KIF6: variants seen among roughly 807,000 people sequenced by gnomAD.
KIF6 encodes kinesin family member 6.
KIF6 carries 106 observed loss-of-function variants against 112.7 expected under a neutral mutation model. That is an observed-to-expected ratio of 0.94 (90% CI 0.80 to 1.11). The LOEUF (loss-of-function observed/expected upper bound fraction) is 1.11, where lower values mean the gene tolerates loss of function less well. Among genes scored for constraint, KIF6 ranks in the 50% least tolerant of loss-of-function variants. KIF6 has a pLI of 0.00. For missense variants in KIF6, 929 were observed against 964.0 expected (o/e 0.96, Z 0.48); for synonymous variants, 339 against 339.9 (o/e 1.00, Z 0.03).
chr6:39,574,877 C>G (rs1298940025), intron 10 of KIF6, among the ~76,000 whole-genome samples: 2 of 152,168 alleles, frequency 1.3e-5, no homozygotes, highest in African/African-American at 2.4e-5. Context: ...TAGCCCTGAT[C>G]TTCCTAGCTC....
chr6:39,551,288 A>G (rs1334671322), intron 10 of KIF6, among the ~76,000 whole-genome samples: 1 of 152,188 alleles, frequency 6.6e-6, no homozygotes, highest in African/African-American at 2.4e-5. Flanking sequence ...GGAACTAAAT[A>G]AAAAATTAAC....
chr6:39,358,077 T>C (rs1333833001), intron 18 of KIF6, among the ~76,000 whole-genome samples: 2 of 152,226 alleles, frequency 1.3e-5, no homozygotes, highest in African/African-American at 4.8e-5. Context: ...CCGAGCACTT[T>C]GTGTAGGGGA....
At chr6:39,670,010 GA>G (rs1786705079) in intron 3 of KIF6, among the ~76,000 whole-genome samples, 1 of 152,144 alleles carries the variant, frequency 6.6e-6, no homozygotes, top group South Asian at 2.1e-4. Context: ...TCTTTTAATG[GA>G]AAAAGCTACC....
At chr6:39,470,658 T>C (rs1292240539) in intron 13 of KIF6, among the ~76,000 whole-genome samples, 1 of 148,676 alleles carries the variant, frequency 6.7e-6, no homozygotes, top group Non-Finnish European at 1.5e-5. Context: ...AGGAGTAACA[T>C]GTCATGTTTC....
rs532810551 is a variant in KIF6 at position 39,449,414 on chromosome 6, C to G, written c.1646-18253G>C. The stretch of plus-strand genomic sequence containing the variant: ...CCCTGGCCGCCTTTCAGCTGCTCAA[C>G]TATGGAAGTAGTGTTCCTGCCTTTG... On this transcript the variant is annotated intron_variant, in intron 13 of 22. Transcript: ENST00000287152. 2.6e-5 allele frequency among the ~76,000 whole-genome samples: 4 copies of G among 152,336 alleles called. No homozygotes were observed. In the East Asian group the frequency reaches 5.8e-4, roughly 22 times the overall value.
At chr6:39,644,382 T>G (rs1785057608) in intron 3 of KIF6, among the ~76,000 whole-genome samples, 1 of 152,154 alleles carries the variant, frequency 6.6e-6, no homozygotes, top group Non-Finnish European at 1.5e-5. Context: ...ACAGCATTAT[T>G]CATTATTTAG....
intron 6 of KIF6, 66 bp downstream of exon 6, chr6:39,613,123 T>A: frequency 8.1e-7 from 1 of 1,235,868 alleles, no homozygotes; most frequent in Non-Finnish European, 1.1e-6. Flanking sequence ...TTTTTTTTTC[T>A]GCCTTGGCTT....
intron 5 of KIF6, among the ~76,000 whole-genome samples, chr6:39,613,640 C>A (rs926110499): frequency 1.3e-5 from 2 of 152,166 alleles, no homozygotes; most frequent in Non-Finnish European, 2.9e-5. Flanking sequence ...TTTCTATCTG[C>A]ATATCAGGAA....
rs974277759 is a variant in KIF6 at position 39,688,559 on chromosome 6, T to C, written c.251+26133A>G. ...AGGAACTCATTGTTTATTCAATATATTGTGGCCCAGGAGAAAAGAATGAGA... is the reference window on the plus strand; with the variant it reads ...AGGAACTCATTGTTTATTCAATATACTGTGGCCCAGGAGAAAAGAATGAGA... On this transcript the variant is annotated intron_variant, in intron 3 of 22. Coordinates refer to ENST00000287152, the MANE Select transcript of KIF6 (RefSeq NM_145027.6). 2.6e-5 allele frequency among the ~76,000 whole-genome samples: 4 copies of C among 152,104 alleles called. No individual in the cohort carries two copies. In the East Asian group the frequency reaches 5.8e-4, roughly 22 times the overall value.
chr6:39,552,326 G>A (rs1779433429), intron 10 of KIF6, among the ~76,000 whole-genome samples: 1 of 152,158 alleles, frequency 6.6e-6, no homozygotes, highest in South Asian at 2.1e-4. Context: ...CCTTGTCCCA[G>A]TTATTTTATT....
intron 13 of KIF6, among the ~76,000 whole-genome samples, chr6:39,450,466 T>A (rs1314615586): frequency 6.6e-6 from 1 of 152,188 alleles, no homozygotes; most frequent in East Asian, 1.9e-4. Flanking sequence ...ATTATCAAAG[T>A]ATGGCTTGCC....
chr6:39,343,825 A>G lies in KIF6; in HGVS notation c.2322-10T>C. 1 of 1,523,630 alleles carries G rather than the reference A, an allele frequency of 6.6e-7. No homozygotes were observed. Among genetic ancestry groups the G allele is most frequent in the Non-Finnish European group, 9.0e-7 (1 of 1,112,420 alleles). 94.4% of individuals were successfully genotyped at this position (1,523,630 alleles called of 1,614,324 possible). ...TGGCCTCTTGGGGATGCTGGAGGCA[A>G]CCACGTGTCACATTTTACTACACTT... is the stretch of plus-strand genomic sequence containing the variant. On this transcript the variant is annotated splice_polypyrimidine_tract_variant and intron_variant, in intron 21 of 22. Transcript: ENST00000287152. This position sits in a 1 kb window ranked among gnomAD's most constrained non-coding sequence, Gnocchi z 4.1.
chr6:39,429,643 C>T (rs192250788), intron 14 of KIF6, among the ~76,000 whole-genome samples: 69 of 152,352 alleles, frequency 4.5e-4, no homozygotes, highest in African/African-American at 1.4e-3. Context: ...GGCGCAGTGG[C>T]TCATGCCTGT....
intron 4 of KIF6, among the ~76,000 whole-genome samples, chr6:39,635,900 T>C (rs1170851540): frequency 6.6e-6 from 1 of 152,064 alleles, no homozygotes; most frequent in Non-Finnish European, 1.5e-5. Flanking sequence ...GAGAGTATAT[T>C]TGGGTCTTGT....
At chr6:39,627,100 C>G (rs1784131872) in intron 5 of KIF6, among the ~76,000 whole-genome samples, 1 of 152,172 alleles carries the variant, frequency 6.6e-6, no homozygotes, top group Non-Finnish European at 1.5e-5. Flanking sequence ...CCTTGCCAGT[C>G]TTAATGCTCC....
rs546462496 is a variant in KIF6 at position 39,636,095 on chromosome 6, T to C, written c.400-1137A>G. 2.6e-5 allele frequency among the ~76,000 whole-genome samples: 4 copies of C among 152,114 alleles called. No individual in the cohort carries two copies. In the South Asian group the frequency reaches 8.3e-4, roughly 32 times the overall value. On this transcript the variant is annotated intron_variant, in intron 4 of 22. Transcript: ENST00000287152. ...GCCCATAAATAAAAAGCTGGACTCC[T>C]ACTCTAACTAGAGTTGAGCCTCTAC...
chr6:39,701,057 G>A (rs775519795), intron 3 of KIF6, among the ~76,000 whole-genome samples: 3 of 152,182 alleles, frequency 2.0e-5, no homozygotes, highest in African/African-American at 7.2e-5. Flanking sequence ...AGTTGCAGCA[G>A]TTTTCAAAAC....
At chr6:39,569,194 T>TAA (rs1362303679) in intron 10 of KIF6, among the ~76,000 whole-genome samples, 5 of 152,218 alleles carry the variant, frequency 3.3e-5, no homozygotes, top group Admixed American at 3.3e-4. Flanking sequence ...AAACTGAATA[T>TAA]AAAAAGGATA....
At chr6:39,426,523 G>T (rs190769547) in intron 14 of KIF6, among the ~76,000 whole-genome samples, 9 of 152,290 alleles carry the variant, frequency 5.9e-5, no homozygotes, top group East Asian at 5.8e-4. Context: ...GCCCAGGGAG[G>T]GGGGAGGATC....
Sources: allele counts gnomAD v4.1 joint callset (sites outside exome capture counted in the v4.1 genomes callset), GRCh38; gene constraint gnomAD v4.1.1; non-coding constraint Gnocchi (gnomAD v3.1); transcripts MANE v1.5; gene names NCBI Gene and HGNC (gene_info 2026-07-23, HGNC 2026-07-21).